ADCY4: variants seen among roughly 807,000 people sequenced by gnomAD.
ADCY4 encodes adenylate cyclase 4.
A neutral mutation model predicts 125.5 loss-of-function variants in ADCY4; 111 were observed. The observed-to-expected ratio is 0.88, with a 90% confidence interval of 0.76 to 1.04. The LOEUF is 1.04. Ranked by LOEUF, ADCY4 falls within the 50% of genes least tolerant of loss-of-function variation. ADCY4 has a pLI of 0.00. For synonymous variants in ADCY4, 576 were observed against 586.9 expected (o/e 0.98, Z 0.27); for missense variants, 1,256 against 1,382.9 (o/e 0.91, Z 1.46).
chr14:24,323,694 A>T, intron 16 of ADCY4: 1 of 1,375,794 alleles, frequency 7.3e-7, no homozygotes, highest in South Asian at 1.6e-5. Flanking sequence ...CTTGCCAGCC[A>T]CTTAGCCTCT....
chr14:24,327,833 A>G (rs1429040591), intron 10 of ADCY4, among the ~76,000 whole-genome samples: 3 of 152,234 alleles, frequency 2.0e-5, no homozygotes, highest in African/African-American at 7.2e-5. Flanking sequence ...CCGAGGCAAG[A>G]GACAGAGGAC....
At chr14:24,332,742 G>T in intron 2 of ADCY4, 49 bp downstream of exon 2, 1 of 1,541,996 alleles carries the variant, frequency 6.5e-7, no homozygotes, top group African/African-American at 1.4e-5. Context: ...GCCTGGTGAG[G>T]GATCGAAGCC....
In ADCY4 at chr14:24,334,776, A is replaced by G; in HGVS notation, c.-124T>C. On this transcript the variant is annotated 5_prime_UTR_variant, in exon 1 of 25. Coordinates refer to ENST00000418030, the MANE Select transcript of ADCY4 (RefSeq NM_001198568.2). ...AAGCCGCTACCACCCCGCGCCCCCA[A>G]CCTCGTGGCAATCCCGTCTCCTTTT... 1.3e-6 allele frequency: 1 copy of G among 767,828 alleles called. No individual in the cohort carries two copies. Among genetic ancestry groups the G allele is most frequent in the African/African-American group, 1.8e-5 (1 of 55,232 alleles). The allele number at this position is 767,828 out of a possible 1,614,324, so 47.6% of individuals were successfully genotyped here.
chr14:24,322,622 A>C lies in ADCY4; in HGVS notation c.2427+2T>G. ...CTGGTGGGGCTGAGCTGGGTGACTT[A>C]CCTGGCGAGCCAGGACAAGGAGGGT... On this transcript the variant is annotated splice_donor_variant, in intron 19 of 24. Transcript: ENST00000418030. LOFTEE classifies it high-confidence loss of function. 6.2e-7 allele frequency: 1 copy of C among 1,614,046 alleles called. No homozygotes were observed. Among genetic ancestry groups the C allele is most frequent in the Non-Finnish European group, 8.5e-7 (1 of 1,179,964 alleles).
chr14:24,322,499 G>A, intron 19 of ADCY4, 125 bp downstream of exon 19: 1 of 1,053,820 alleles, frequency 9.5e-7, no homozygotes, highest in African/African-American at 1.6e-5. Context: ...GGAGAAGAAA[G>A]GAAGCAGGAA....
In ADCY4 at chr14:24,323,933, A is replaced by G. The variant is rs1241068704; in HGVS notation, c.2046+129T>C. 8 of 1,343,354 alleles carry G rather than the reference A, an allele frequency of 6.0e-6. No individual in the cohort carries two copies. The East Asian group carries it at 1.7e-4, about 29-fold the overall frequency. 83.2% of individuals were successfully genotyped at this position (1,343,354 alleles called of 1,614,324 possible). A position where few individuals can be genotyped will look rare whatever the true frequency, so the allele number is the denominator to read the frequency against. ...TGGAGACTGTAATTTTTTTCTTTCT[A>G]TTTGTACAACATTTCCAGCATCCCC... On this transcript the variant is annotated intron_variant, in intron 16 of 24. Coordinates refer to ENST00000418030, the MANE Select transcript of ADCY4 (RefSeq NM_001198568.2).
rs1022077297 is a variant in ADCY4, at chr14:24,318,981, G to A, written c.2956+117C>T. 8 of 1,428,660 alleles carry A rather than the reference G, an allele frequency of 5.6e-6. No individual in the cohort carries two copies. The South Asian group carries it at 6.3e-5, about 11-fold the overall frequency. The allele number at this position is 1,428,660 out of a possible 1,614,324, so 88.5% of individuals were successfully genotyped here. On this transcript the variant is annotated intron_variant, in intron 23 of 24. Transcript: ENST00000418030. ...GCACCTTCACACCCCATCCCAGGGA[G>A]TGAGTCAGGAAAGGGGCTTCAGGAT...
At chr14:24,328,333 C>T (rs1015066658) in intron 10 of ADCY4, among the ~76,000 whole-genome samples, 4 of 152,144 alleles carry the variant, frequency 2.6e-5, no homozygotes, top group African/African-American at 2.4e-5. Context: ...CACAGTTATC[C>T]GGAGGCCTAA....
Position 24,334,682 on chromosome 14 carries a change from G to C in ADCY4, c.-30C>G. On this transcript the variant is annotated 5_prime_UTR_variant, in exon 1 of 25. Coordinates refer to ENST00000418030, the MANE Select transcript of ADCY4 (RefSeq NM_001198568.2). ...TCCCCAGCCCCGAGCCCCGGGGCTG[G>C]CTAGGGCCGGGCGCCGGGTTACCTC... The C allele has an allele frequency of 1.3e-6, 2 of 1,490,980 alleles. No individual in the cohort carries two copies. The highest frequency in any genetic ancestry group is 1.8e-6 in the Non-Finnish European group (2 of 1,122,574). The allele number at this position is 1,490,980 out of a possible 1,614,324, so 92.4% of individuals were successfully genotyped here. A position where few individuals can be genotyped will look rare whatever the true frequency, so the allele number is the denominator to read the frequency against.
In ADCY4 at chr14:24,334,602, G is replaced by A; in HGVS notation, c.51C>T (p.Tyr17=). The change falls in exon 1 of 25, where the codon TAC becomes TAT. Residue 17 remains tyrosine, a synonymous_variant. Transcript: ENST00000418030. The part of the protein sequence containing the change: ...PRPPPSEDLF[Y]ETYYSLSQQY... The stretch of plus-strand genomic sequence containing the variant: ...GCTGGCTCAGGCTGTAGTAGGTCTC[G>A]TAGAAGAGGTCTTCGCTGGGGGGCG... The A allele has an allele frequency of 1.3e-6, 2 of 1,566,144 alleles. No homozygotes were observed. Among genetic ancestry groups the A allele is most frequent in the Non-Finnish European group, 1.7e-6 (2 of 1,157,854 alleles).
chr14:24,318,572 C>G lies in ADCY4; in HGVS notation c.3082-4G>C, dbSNP rs76827240. The G allele has an allele frequency of 2.5e-6, 4 of 1,614,134 alleles. No homozygotes were observed. The highest frequency in any genetic ancestry group is 3.4e-6 in the Non-Finnish European group (4 of 1,179,994). On this transcript the variant is annotated splice_region_variant and splice_polypyrimidine_tract_variant and intron_variant, in intron 24 of 24. Coordinates refer to ENST00000418030, the MANE Select transcript of ADCY4 (RefSeq NM_001198568.2). ...CCCATGCTGTCTCCTCAGTCACCTA[C>G]AATTGGAGGGGGGCGAGGGAATATG...
chr14:24,328,676 C>T (rs947377926), intron 10 of ADCY4: 3 of 211,466 alleles, frequency 1.4e-5, no homozygotes, highest in Non-Finnish European at 2.9e-5. Flanking sequence ...GGGGCCACTA[C>T]CGGTCTCCGC....
intron 10 of ADCY4, among the ~76,000 whole-genome samples, chr14:24,328,231 T>TGG (rs547461601): frequency 0.051 from 3,435 of 66,786 alleles, 79 homozygotes; most frequent in East Asian, 0.062. Flanking sequence ...GAAAGCGGGG[T>TGG]GGGGGGGGGG....
intron 6 of ADCY4, chr14:24,330,719 T>G: frequency 2.5e-6 from 1 of 400,496 alleles, no homozygotes; most frequent in Admixed American, 4.1e-5. Flanking sequence ...TCAGAACGTC[T>G]CTATAGATTT....
chr14:24,322,876 G>C, intron 18 of ADCY4, 28 bp downstream of exon 18: 1 of 1,566,818 alleles, frequency 6.4e-7, no homozygotes, highest in South Asian at 1.2e-5. Context: ...CAGGGGGCCC[G>C]GCACCTCTGT....
Position 24,330,930 on chromosome 14 carries a change from T to G in ADCY4, c.930+88A>C. ...TGCATGCACTGAAGTGGGCCTGGGA[T>G]CTTATAAGGTGGGAGTTTCCCTTGG... is the stretch of plus-strand genomic sequence containing the variant. On this transcript the variant is annotated intron_variant, in intron 6 of 24. Coordinates refer to ENST00000418030, the MANE Select transcript of ADCY4 (RefSeq NM_001198568.2). 2.5e-6 allele frequency: 3 copies of G among 1,207,906 alleles called. No homozygotes were observed. In the East Asian group the frequency reaches 7.2e-5, roughly 29 times the overall value. 74.8% of individuals were successfully genotyped at this position (1,207,906 alleles called of 1,614,324 possible).
intron 10 of ADCY4, among the ~76,000 whole-genome samples, chr14:24,327,838 G>T (rs1488557612): frequency 6.6e-6 from 1 of 152,192 alleles, no homozygotes; most frequent in Non-Finnish European, 1.5e-5. Context: ...GCAAGAGACA[G>T]AGGACACGAG....
chr14:24,332,336 T>C (rs2042054529), intron 3 of ADCY4, 186 bp downstream of exon 3: 4 of 640,310 alleles, frequency 6.2e-6, no homozygotes, highest in Non-Finnish European at 1.0e-5. Flanking sequence ...GTGGCCTGGA[T>C]CCCTCTTCTG....
At chr14:24,325,597 G>T in intron 13 of ADCY4, 123 bp from the exon 14 acceptor site, 2 of 948,966 alleles carry the variant, frequency 2.1e-6, no homozygotes, top group Non-Finnish European at 3.2e-6. Flanking sequence ...TCAGTTCCAT[G>T]TAGACCCTAC....
Sources: gnomAD v4.1 joint callset for allele counts (sites outside exome capture counted in the v4.1 genomes callset) on GRCh38, gnomAD v4.1.1 for gene constraint, MANE v1.5 for transcripts, NCBI Gene and HGNC (gene_info 2026-07-23, HGNC 2026-07-21) for gene names.